NEBL: variants seen among roughly 807,000 people sequenced by gnomAD.
NEBL encodes the protein nebulette, also known as LIM and SH3 protein 2.
In NEBL, 122 loss-of-function variants were observed where a neutral mutation model predicts 140.2. The observed-to-expected ratio is 0.87, with a 90% CI of 0.75 to 1.01. NEBL has a LOEUF of 1.01. Among genes scored for constraint, NEBL ranks in the 50% least tolerant of loss-of-function variants. NEBL has a pLI of 0.00. For synonymous variants in NEBL, 436 were observed against 398.9 expected, an observed-to-expected ratio of 1.09 and a Z score of -1.11; for missense variants, 1,365 against 1,231.3, an observed-to-expected ratio of 1.11 and a Z score of -1.62.
intron 1 of NEBL, among the ~76,000 whole-genome samples, chr10:21,276,180 C>G (rs2132293716): frequency 6.6e-6 from 1 of 152,052 alleles, no homozygotes; most frequent in Non-Finnish European, 1.5e-5. Context: ...CCATGTTGGG[C>G]AGGCTGGTCT....
At chr10:21,031,706 T>G (rs1464311241) in intron 2 of NEBL, among the ~76,000 whole-genome samples, 2 of 152,186 alleles carry the variant, frequency 1.3e-5, no homozygotes, top group East Asian at 1.9e-4. Context: ...GGGCAGTTTC[T>G]CCTTCTACCA....
rs760476895 is a variant in NEBL, at chr10:20,859,747, C to T, written c.764G>A (p.Arg255Lys). 1.2e-6 allele frequency: 2 copies of T among 1,603,456 alleles called. No homozygotes were observed. Among genetic ancestry groups the T allele is most frequent in the Non-Finnish European group, 1.7e-6 (2 of 1,171,296 alleles). The stretch of plus-strand genomic sequence containing the variant: ...CAGTGTAGCAGCAAGCTGATTCTGC[C>T]TAAAAGAAGCACTTTCAAGAGGATT... ...HYNPLESASF[R>K]QNQLAATLAS... The change falls in exon 8 of 28, where the codon AGG becomes AAG. Residue 255 changes from arginine (R) to lysine (K), a missense_variant. Arg to Lys is a conservative substitution (Grantham distance 26). Coordinates refer to ENST00000377122, the MANE Select transcript of NEBL (RefSeq NM_006393.3).
intron 2 of NEBL, among the ~76,000 whole-genome samples, chr10:21,068,029 T>A (rs1835648316): frequency 6.6e-6 from 1 of 152,090 alleles, no homozygotes; most frequent in South Asian, 2.1e-4. Context: ...ACAACATGCC[T>A]AGAGGAACTC....
chr10:20,845,504 G>A (rs931769430), intron 11 of NEBL, 136 bp from the exon 12 acceptor site: 2 of 607,702 alleles, frequency 3.3e-6, no homozygotes, highest in Middle Eastern at 4.0e-4. Context: ...CCTATCAACA[G>A]GGAAATAAGT....
chr10:21,110,762 A>G (rs1589244239), intron 2 of NEBL: 2 of 519,242 alleles, frequency 3.9e-6, no homozygotes, highest in East Asian at 8.2e-5. Context: ...GTGGATACTG[A>G]TGAAAATGAG....
intron 1 of NEBL, among the ~76,000 whole-genome samples, chr10:21,264,696 TAAAAAAAAAAAAAAAA>T (rs71392177): frequency 0.051 from 1,555 of 30,738 alleles, 34 homozygotes; most frequent in Middle Eastern, 0.081. Flanking sequence ...AGTTGCTATT[TAAAAAAAAAAAAAAAA>T]AAAAAAAAAA....
At chr10:21,261,607 A>T (rs1842740070) in intron 1 of NEBL, among the ~76,000 whole-genome samples, 1 of 151,756 alleles carries the variant, frequency 6.6e-6, no homozygotes, top group Admixed American at 6.6e-5. Context: ...TGACCACACC[A>T]TTGCACACCA....
At chr10:21,248,166 G>A (rs1842542040) in intron 2 of NEBL, 1 of 177,666 alleles carries the variant, frequency 5.6e-6, no homozygotes, top group Admixed American at 6.0e-5. Context: ...GACCTCCCGG[G>A]CTCAAGTAAT....
At chr10:20,958,647 T>C (rs1835916472) in intron 4 of NEBL, among the ~76,000 whole-genome samples, 2 of 152,222 alleles carry the variant, frequency 1.3e-5, no homozygotes, top group Non-Finnish European at 2.9e-5. Context: ...AATTTTGCTT[T>C]ATTTTAGAAG....
intron 2 of NEBL, among the ~76,000 whole-genome samples, chr10:21,033,978 C>CA (rs1390992188): frequency 6.6e-6 from 1 of 151,374 alleles, no homozygotes; most frequent in Admixed American, 6.6e-5. Flanking sequence ...CCAACCTGGG[C>CA]AAAATAGCGA....
chr10:20,831,864 A>G (rs1314791563), intron 14 of NEBL, among the ~76,000 whole-genome samples: 1 of 152,154 alleles, frequency 6.6e-6, no homozygotes, highest in African/African-American at 2.4e-5. Flanking sequence ...AATATGATAA[A>G]CTTGATATAT....
intron 11 of NEBL, among the ~76,000 whole-genome samples, chr10:20,848,168 G>T (rs1427552809): frequency 6.6e-6 from 1 of 152,110 alleles, no homozygotes; most frequent in Non-Finnish European, 1.5e-5. Context: ...TCCAAAAAGT[G>T]CTGCTGCAGA....
intron 3 of NEBL, among the ~76,000 whole-genome samples, chr10:20,978,552 T>C (rs1836897788): frequency 1.3e-5 from 2 of 151,312 alleles, no homozygotes; most frequent in Non-Finnish European, 2.9e-5. Flanking sequence ...AGGCCAGGAG[T>C]TCGAGAACAG....
intron 5 of NEBL, 104 bp downstream of exon 5, chr10:20,880,690 T>G: frequency 1.2e-6 from 1 of 861,510 alleles, no homozygotes; most frequent in Non-Finnish European, 2.0e-6. Context: ...AAGTCTTTTT[T>G]GAACAGGGCT....
At chr10:20,973,710 T>C (rs1207172194) in intron 3 of NEBL, among the ~76,000 whole-genome samples, 1 of 152,254 alleles carries the variant, frequency 6.6e-6, no homozygotes, top group East Asian at 1.9e-4. Flanking sequence ...CCACCATGGA[T>C]TGGCCTCATT....
intron 2 of NEBL, chr10:21,030,122 A>G (rs1341200800): frequency 1.7e-5 from 8 of 470,288 alleles, no homozygotes; most frequent in Non-Finnish European, 3.3e-5. Context: ...TAGAGCTGCT[A>G]GAGAAACAAA....
At chr10:21,257,458 G>A (rs770087573) in intron 1 of NEBL, among the ~76,000 whole-genome samples, 8 of 152,196 alleles carry the variant, frequency 5.3e-5, no homozygotes, top group Non-Finnish European at 7.3e-5. Context: ...GTTTTAATAT[G>A]TATGTAAAGT....
chr10:21,138,821 T>TA (rs1839479790), intron 2 of NEBL, among the ~76,000 whole-genome samples: 1 of 139,266 alleles, frequency 7.2e-6, no homozygotes, highest in Admixed American at 7.0e-5. Context: ...ACTAAACTAT[T>TA]TAAAAAAAAA....
In NEBL at chr10:21,037,793, C is replaced by A. The variant is rs1235050069; in HGVS notation, c.165-17592G>T. Among the ~76,000 whole-genome samples the A allele has an allele frequency of 5.4e-5, 8 of 149,286 alleles. No homozygotes were observed. The Admixed American group carries it at 5.4e-4, about 10-fold the overall frequency. ...TGAACATTCAAGATAAATTGGAGGT[C>A]AAAAAACACTCCCCTAATGAAGAGT... On this transcript the variant is annotated intron_variant, in intron 2 of 6. Coordinates refer to the NEBL transcript ENST00000417816.
Sources: gnomAD v4.1 joint callset for allele counts (sites outside exome capture counted in the v4.1 genomes callset) on GRCh38, gnomAD v4.1.1 for gene constraint, MANE v1.5 for transcripts, NCBI Gene and HGNC (gene_info 2026-07-23, HGNC 2026-07-21) for gene names.